The following CEP290 variants were observed in gnomAD, a reference collection of about 807,000 sequenced individuals.
The protein encoded by CEP290 is centrosomal protein of 290 kDa.
In CEP290, 317 loss-of-function variants were observed where a neutral mutation model predicts 344.9. The ratio of observed to expected loss-of-function variants is 0.92; its 90% CI spans 0.84 to 1.01. The LOEUF (loss-of-function observed/expected upper bound fraction) is 1.01, where lower values mean the gene tolerates loss of function less well. Ranked by LOEUF, CEP290 falls within the 50% of genes least tolerant of loss-of-function variation. The pLI, the probability that CEP290 is intolerant of heterozygous loss-of-function variation, is 0.00. For synonymous variants in CEP290, 932 were observed against 895.8 expected (o/e 1.04, Z -0.72); for missense variants, 2,754 against 2,761.4 (o/e 1.00, Z 0.06).
At chr12:88,057,520 C>T (rs2034108666) in intron 49 of CEP290, among the ~76,000 whole-genome samples, 1 of 152,130 alleles carries the variant, frequency 6.6e-6, no homozygotes, top group Admixed American at 6.5e-5. Context: ...TAGAAGAGAC[C>T]CCTTCTCCCA....
At position 88,080,181 on chromosome 12, in the gene CEP290, C is replaced by A. The variant is rs1565826907; in HGVS notation, c.5226+1G>T. 1 of 1,585,764 alleles carries A rather than the reference C, an allele frequency of 6.3e-7. No individual in the cohort carries two copies. Among genetic ancestry groups the A allele is most frequent in the Non-Finnish European group, 8.6e-7 (1 of 1,163,118 alleles). On this transcript the variant is annotated splice_donor_variant, in intron 38 of 53. Coordinates refer to ENST00000552810, the MANE Select transcript of CEP290 (RefSeq NM_025114.4). LOFTEE classifies it high-confidence loss of function. ...GTTGATAATTTTCTGTTGTTACTTA[C>A]TTTCTGTTGTTTCTCCTTCAAGGCT...
intron 9 of CEP290, 106 bp downstream of exon 9, chr12:88,130,162 A>G: frequency 8.4e-7 from 1 of 1,186,674 alleles, no homozygotes; most frequent in Non-Finnish European, 1.2e-6. Flanking sequence ...ATAGTGACAG[A>G]TTTATACCAG....
At chr12:88,113,336 T>G (rs1451994842) in intron 20 of CEP290, among the ~76,000 whole-genome samples, 1 of 151,940 alleles carries the variant, frequency 6.6e-6, no homozygotes, top group African/African-American at 2.4e-5. Flanking sequence ...AAAGAATCAT[T>G]TTAGACATTC....
intron 29 of CEP290, among the ~76,000 whole-genome samples, chr12:88,091,686 G>C (rs1026874103): frequency 1.3e-5 from 2 of 151,940 alleles, no homozygotes; most frequent in Non-Finnish European, 1.5e-5. Context: ...TAAAAAAAAG[G>C]GTCTTTCATA....
intron 15 of CEP290, among the ~76,000 whole-genome samples, 159 bp downstream of exon 15, chr12:88,119,955 A>C (rs1299120702): frequency 6.6e-6 from 1 of 152,180 alleles, no homozygotes; most frequent in Non-Finnish European, 1.5e-5. Flanking sequence ...ATTCCACTTC[A>C]ATCAGGTTAG....
intron 11 of CEP290, among the ~76,000 whole-genome samples, chr12:88,128,028 G>C (rs2039838397): frequency 6.6e-6 from 1 of 152,060 alleles, no homozygotes; most frequent in Non-Finnish European, 1.5e-5. Context: ...GGTAGACTAT[G>C]GCCCAAAGGT....
In CEP290 at chr12:88,083,241, T is replaced by C. The variant is rs373565486; in HGVS notation, c.4813-11A>G. ...CTGTTTCATTAAATCCTATAAAATA[T>C]GAATATATTAGCAATAGGCATGTAT... is the stretch of plus-strand genomic sequence containing the variant. On this transcript the variant is annotated splice_polypyrimidine_tract_variant and intron_variant, in intron 36 of 53. Transcript: ENST00000552810. 4 of 1,410,872 alleles carry C rather than the reference T, an allele frequency of 2.8e-6. No individual in the cohort carries two copies. In the African/African-American group the frequency reaches 6.0e-5, roughly 21 times the overall value. 87.4% of individuals were successfully genotyped at this position (1,410,872 alleles called of 1,614,324 possible).
intron 46 of CEP290, among the ~76,000 whole-genome samples, chr12:88,062,087 A>G (rs1017906587): frequency 1.3e-5 from 2 of 152,084 alleles, no homozygotes; most frequent in South Asian, 2.1e-4. Flanking sequence ...CCTGTTCTGA[A>G]TATTTTTCTA....
Position 88,053,579 on chromosome 12 carries a change from A to C in CEP290, c.7129+73T>G, listed in dbSNP as rs1237122325. ...GAGACAATGATCAGAAATCTGAGCC[A>C]AAAAAAAAAAAAAAAGGCAAACCCA... On this transcript the variant is annotated intron_variant, in intron 52 of 53. Coordinates refer to ENST00000552810, the MANE Select transcript of CEP290 (RefSeq NM_025114.4). 7.2e-3 allele frequency: 982 copies of C among 135,930 alleles called. 13 individuals are homozygous for C. The highest frequency in any genetic ancestry group is 0.025 in the African/African-American group (887 of 36,132). 8.4% of individuals were successfully genotyped at this position (135,930 alleles called of 1,614,324 possible).
Position 88,125,196 on chromosome 12 carries a change from T to C in CEP290, c.1189+50A>G, listed in dbSNP as rs2039655266. On this transcript the variant is annotated intron_variant, in intron 13 of 53. Coordinates refer to ENST00000552810, the MANE Select transcript of CEP290 (RefSeq NM_025114.4). Reference sequence around the variant, plus strand: ...ACATTTTATTTTAATAAAAATAAAGTCGTTAAAAACATAATTGTATATAAA... The same window carrying C: ...ACATTTTATTTTAATAAAAATAAAGCCGTTAAAAACATAATTGTATATAAA... The C allele has an allele frequency of 8.9e-6, 5 of 560,430 alleles. No individual in the cohort carries two copies. The East Asian group carries it at 2.0e-4, about 22-fold the overall frequency. The allele number at this position is 560,430 out of a possible 1,614,324, so 34.7% of individuals were successfully genotyped here. A position where few individuals can be genotyped will look rare whatever the true frequency, so the allele number is the denominator to read the frequency against.
At position 88,128,907 on chromosome 12, in the gene CEP290, CAAAAAG is replaced by C. The variant is rs758062511; in HGVS notation, c.942+33_942+38del. 14 of 1,272,378 alleles carry C rather than the reference CAAAAAG, an allele frequency of 1.1e-5. No individual in the cohort carries two copies. In the African/African-American group the frequency reaches 1.4e-4, roughly 13 times the overall value. 78.8% of individuals were successfully genotyped at this position (1,272,378 alleles called of 1,614,324 possible). On this transcript the variant is annotated intron_variant, in intron 11 of 53. Transcript: ENST00000552810. ...AAGACTAAAATTTAAATCTAAAATA[CAAAAAG>C]AAAAAGTTATTATGTCAATTGAAAA...
At chr12:88,098,446 C>CA (rs1372354472) in intron 26 of CEP290, among the ~76,000 whole-genome samples, 8 of 151,208 alleles carry the variant, frequency 5.3e-5, no homozygotes, top group African/African-American at 1.5e-4. Context: ...CTCATCTCTA[C>CA]AAAAAAACAC....
chr12:88,060,210 T>G (rs1258126317), intron 47 of CEP290, among the ~76,000 whole-genome samples, 190 bp from the exon 48 acceptor site: 1 of 152,246 alleles, frequency 6.6e-6, no homozygotes, highest in Non-Finnish European at 1.5e-5. Context: ...AATAAATTGA[T>G]GACTTAAAAT....
intron 23 of CEP290, among the ~76,000 whole-genome samples, chr12:88,108,249 A>C (rs937795547): frequency 3.3e-5 from 5 of 152,176 alleles, no homozygotes; most frequent in African/African-American, 1.2e-4. Context: ...AATGGTTCAG[A>C]CTTGGACATG....
Position 88,129,864 on chromosome 12 carries a change from C to G in CEP290, c.682G>C (p.Ala228Pro). The part of the protein sequence containing the change: ...YLDEIQTLTE[A>P]NEKIEVQNQE... ...TTCTGAACTTCAATTTTCTCATTAG[C>G]TTCTGTTAAAGTCTAAAAAAGTTAA... Residue 228 changes from alanine (A) to proline (P), a missense_variant, in exon 10 of 54, where the codon GCT becomes CCT. Transcript: ENST00000552810. 1 of 1,452,224 alleles carries G rather than the reference C, an allele frequency of 6.9e-7. No homozygotes were observed. The allele number at this position is 1,452,224 out of a possible 1,614,324, so 90.0% of individuals were successfully genotyped here.
chr12:88,077,100 AATAC>A (rs1337821733), intron 41 of CEP290, 118 bp downstream of exon 41: 8 of 924,996 alleles, frequency 8.6e-6, no homozygotes, highest in Non-Finnish European at 1.2e-5. Flanking sequence ...CCTCAAAATT[AATAC>A]AGAATTAATA....
chr12:88,105,646 A>G (rs2038217512), intron 25 of CEP290, among the ~76,000 whole-genome samples: 1 of 152,220 alleles, frequency 6.6e-6, no homozygotes, highest in Non-Finnish European at 1.5e-5. Context: ...ACTGACAAAT[A>G]ATTTGTTATT....
intron 31 of CEP290, among the ~76,000 whole-genome samples, chr12:88,088,562 G>T (rs571427803): frequency 6.6e-6 from 1 of 151,968 alleles, no homozygotes; most frequent in Admixed American, 6.6e-5. Context: ...TTATTTTTAC[G>T]TATAATAGAC....
At chr12:88,107,430 CTAAT>C (rs2038366920) in intron 23 of CEP290, among the ~76,000 whole-genome samples, 1 of 151,918 alleles carries the variant, frequency 6.6e-6, no homozygotes, top group Admixed American at 6.6e-5. Context: ...ATACCCTATA[CTAAT>C]TCTAGAAATC....
Sources: gnomAD v4.1 joint callset for allele counts (sites outside exome capture counted in the v4.1 genomes callset) on GRCh38, gnomAD v4.1.1 for gene constraint, MANE v1.5 for transcripts, NCBI Gene and HGNC (gene_info 2026-07-23, HGNC 2026-07-21) for gene names.